Variants in MS4A8 observed in about 807,000 individuals in gnomAD.
MS4A8 encodes membrane-spanning 4-domains subfamily A member 8.
In MS4A8, 27 loss-of-function variants were observed where a neutral mutation model predicts 23.7. The observed-to-expected ratio is 1.14, with a 90% confidence interval of 0.84 to 1.57. The LOEUF is 1.57. MS4A8 is among the 40% of genes most tolerant of loss of function. MS4A8 has a pLI of 0.00. For synonymous variants in MS4A8, 138 were observed against 126.3 expected (o/e 1.09, Z -0.62); for missense variants, 301 against 311.4 (o/e 0.97, Z 0.25).
intron 3 of MS4A8, among the ~76,000 whole-genome samples, chr11:60,705,431 T>C (rs2088247492): frequency 6.6e-6 from 1 of 152,238 alleles, no homozygotes; most frequent in South Asian, 2.1e-4. Flanking sequence ...CCTCATGACC[T>C]TCCTCCTTTT....
Position 60,715,083 on chromosome 11 carries a change from A to G in MS4A8, c.597A>G (p.Ala199=). 1.9e-6 allele frequency: 3 copies of G among 1,614,090 alleles called. No homozygotes were observed. The highest frequency in any genetic ancestry group is 2.5e-6 in the Non-Finnish European group (3 of 1,180,004). Residue 199 remains alanine (A), a synonymous_variant, in exon 6 of 7, where the codon GCA becomes GCG. Coordinates refer to ENST00000300226, the MANE Select transcript of MS4A8 (RefSeq NM_031457.2). ...LVFCLLEFGI[A]CASSHFGCQL... is the part of the protein sequence containing the mutation. ...TCTGCCTCCTGGAGTTTGGCATCGC[A>G]TGCGCATCTTCCCACTTTGGCTGCC...
intron 3 of MS4A8, among the ~76,000 whole-genome samples, chr11:60,705,164 C>G (rs1451384294): frequency 2.6e-5 from 4 of 152,258 alleles, no homozygotes; most frequent in Non-Finnish European, 5.9e-5. Context: ...TCTGCACACA[C>G]CCAAACTCAG....
chr11:60,711,672 A>G (rs1173984214), intron 5 of MS4A8, among the ~76,000 whole-genome samples: 1 of 152,236 alleles, frequency 6.6e-6, no homozygotes, highest in African/African-American at 2.4e-5. Flanking sequence ...GGACTGCCCA[A>G]TAGAAGAAAT....
At chr11:60,701,560 G>A (rs2088205019) in intron 2 of MS4A8, 1 of 291,562 alleles carries the variant, frequency 3.4e-6, no homozygotes, top group African/African-American at 2.2e-5. Context: ...TCACTGTGTA[G>A]CTGAATGATG....
At chr11:60,714,352 G>A (rs931940285) in intron 5 of MS4A8, among the ~76,000 whole-genome samples, 4 of 152,172 alleles carry the variant, frequency 2.6e-5, no homozygotes, top group Admixed American at 6.5e-5. Flanking sequence ...GTTGGGGGTA[G>A]GGTTACAGAT....
rs752189816 is a variant in MS4A8 at position 60,707,030 on chromosome 11, C to T, written c.385C>T (p.Pro129Ser). 9.9e-6 allele frequency: 16 copies of T among 1,613,876 alleles called. No homozygotes were observed. The highest frequency in any genetic ancestry group is 2.2e-5 in the South Asian group (2 of 91,074). Residue 129 changes from proline (P) to serine (S), a missense_variant, in exon 4 of 7, where the codon CCA (proline) becomes TCA (serine). Physicochemically the swap from Pro to Ser is moderately conservative, Grantham distance 74 (BLOSUM62 -1). Coordinates refer to ENST00000300226, the MANE Select transcript of MS4A8 (RefSeq NM_031457.2). ...GSLSVAAENQPYSYCLLSGSL... is the reference protein window; with the variant it reads ...GSLSVAAENQSYSYCLLSGSL... ...TCTCTCCGTGGCAGCAGAAAATCAGCCATATTCTTATTGCCTGGTAAGTTA... is the reference window on the plus strand; with the variant it reads ...TCTCTCCGTGGCAGCAGAAAATCAGTCATATTCTTATTGCCTGGTAAGTTA...
rs144262678 is a variant in MS4A8 at position 60,715,714 on chromosome 11, G to A, written c.*300G>A. ...CACACACACATTCGTGTGCTCTGCTGCATGTGAGCTTGTGGGTTAGAGGAA... is the reference window on the plus strand; with the variant it reads ...CACACACACATTCGTGTGCTCTGCTACATGTGAGCTTGTGGGTTAGAGGAA... On this transcript the variant is annotated 3_prime_UTR_variant, in exon 7 of 7. Transcript: ENST00000300226. The A allele has an allele frequency of 2.6e-6, 1 of 377,510 alleles. No individual in the cohort carries two copies. Among genetic ancestry groups the A allele is most frequent in the East Asian group, 5.6e-5 (1 of 17,818 alleles). 23.4% of individuals were successfully genotyped at this position (377,510 alleles called of 1,614,324 possible). A position where few individuals can be genotyped will look rare whatever the true frequency, so the allele number is the denominator to read the frequency against.
In MS4A8 at chr11:60,708,777, G is replaced by A; in HGVS notation, c.530G>A (p.Gly177Asp). Residue 177 changes from glycine (G) to aspartate (D), a missense_variant, in exon 5 of 7, where the codon GGT becomes GAT. By Grantham distance (94) the Gly-to-Asp change is moderately conservative. Transcript: ENST00000300226. ...AYPDYYPYAW[G>D]VNPGMAISGV... ...CCCGACTATTATCCTTACGCCTGGG[G>A]TGTGGTGAGTATCCCTCTCAACCAA... 6.2e-7 allele frequency: 1 copy of A among 1,613,998 alleles called. No homozygotes were observed. The highest frequency in any genetic ancestry group is 8.5e-7 in the Non-Finnish European group (1 of 1,179,898).
At position 60,702,102 on chromosome 11, in the gene MS4A8, A is replaced by G. The variant is rs567954941; in HGVS notation, c.219+1023A>G. ...ATACACAGATGTTCTTTCATTTACA[A>G]TGGGATTATGTCCCAGTGTACCCAT... On this transcript the variant is annotated intron_variant, in intron 2 of 6. Coordinates refer to ENST00000300226, the MANE Select transcript of MS4A8 (RefSeq NM_031457.2). Among the ~76,000 whole-genome samples, 65 of 152,352 alleles carry G rather than the reference A, an allele frequency of 4.3e-4. 1 individual carries two copies. In the South Asian group the frequency reaches 0.013, roughly 31 times the overall value.
intron 3 of MS4A8, among the ~76,000 whole-genome samples, chr11:60,703,958 T>C (rs1350693465): frequency 6.6e-6 from 1 of 152,056 alleles, no homozygotes; most frequent in Non-Finnish European, 1.5e-5. Flanking sequence ...TTAACAACCC[T>C]ATCTCCAAAC....
At position 60,715,424 on chromosome 11, in the gene MS4A8, T is replaced by C; in HGVS notation, c.*10T>C. The C allele has an allele frequency of 6.2e-7, 1 of 1,606,720 alleles. No individual in the cohort carries two copies. The highest frequency in any genetic ancestry group is 8.5e-7 in the Non-Finnish European group (1 of 1,173,788). ...CCAAGCAAATAAGTAAGGCTACAGA[T>C]TCTGGAAGCATCTTTCACTGGGACC... On this transcript the variant is annotated 3_prime_UTR_variant, in exon 7 of 7. Coordinates refer to ENST00000300226, the MANE Select transcript of MS4A8 (RefSeq NM_031457.2).
rs1274802814 is a variant in MS4A8 at position 60,715,378 on chromosome 11, A to T, written c.717A>T (p.Pro239=). 1.9e-6 allele frequency: 3 copies of T among 1,614,074 alleles called. No homozygotes were observed. The highest frequency in any genetic ancestry group is 2.5e-6 in the Non-Finnish European group (3 of 1,179,968). ...TCACCCCAGAACCGGTGACCTCACC[A>T]CCAAGTTATTCCAGTGAGATCCAAG... ...PVITPEPVTS[P]PSYSSEIQAN... The change falls in exon 7 of 7, where the codon CCA becomes CCT. Residue 239 remains proline (P), a synonymous_variant. Transcript: ENST00000300226.
chr11:60,700,764 G>C, intron 1 of MS4A8, 96 bp from the exon 2 acceptor site: 1 of 1,202,766 alleles, frequency 8.3e-7, no homozygotes, highest in Non-Finnish European at 1.2e-6. Context: ...CTTGTAGAGG[G>C]TTAAGATGCT....
At chr11:60,714,479 A>G (rs1315613990) in intron 5 of MS4A8, among the ~76,000 whole-genome samples, 1 of 152,126 alleles carries the variant, frequency 6.6e-6, no homozygotes, top group African/African-American at 2.4e-5. Flanking sequence ...TTTTCCCCAC[A>G]TTCAGAGGGA....
At chr11:60,715,178 A>G in intron 6 of MS4A8, 44 bp downstream of exon 6, 3 of 1,539,230 alleles carry the variant, frequency 1.9e-6, no homozygotes, top group Non-Finnish European at 2.7e-6. Flanking sequence ...TGCCCCCAAA[A>G]AGGTGGAGAC....
At chr11:60,703,315 G>A in intron 2 of MS4A8, 63 bp from the exon 3 acceptor site, 1 of 1,449,464 alleles carries the variant, frequency 6.9e-7, no homozygotes, top group Non-Finnish European at 9.1e-7. Flanking sequence ...TTAAAAGGAG[G>A]CTCATAGGGG....
rs530899886 is a variant in MS4A8, at chr11:60,711,754, C to T, written c.534+2973C>T. The T allele has an allele frequency of 1.5e-4, 66 of 454,324 alleles. 2 individuals are homozygous for T. The highest frequency in any genetic ancestry group is 9.8e-4 in the South Asian group (63 of 64,200). The allele number at this position is 454,324 out of a possible 1,614,324, so 28.1% of individuals were successfully genotyped here. A position where few individuals can be genotyped will look rare whatever the true frequency, so the allele number is the denominator to read the frequency against. ...GAAGAGTTTAGGAAAGACTAAACCC[C>T]AAGCAGCACAGCCAGGTGCCCTGGA... is the stretch of plus-strand genomic sequence containing the variant. On this transcript the variant is annotated intron_variant, in intron 5 of 6. Coordinates refer to ENST00000300226, the MANE Select transcript of MS4A8 (RefSeq NM_031457.2).
At chr11:60,703,849 T>C (rs1022085797) in intron 3 of MS4A8, among the ~76,000 whole-genome samples, 2 of 152,204 alleles carry the variant, frequency 1.3e-5, no homozygotes, top group African/African-American at 4.8e-5. Flanking sequence ...TCCACGGCCT[T>C]CCTCCATGCC....
intron 4 of MS4A8, 68 bp from the exon 5 acceptor site, chr11:60,708,582 T>C: frequency 6.9e-7 from 1 of 1,443,700 alleles, no homozygotes; most frequent in Admixed American, 2.6e-5. Flanking sequence ...GAAACACTTG[T>C]TGGGTCTCCA....
Sources: allele counts gnomAD v4.1 joint callset (sites outside exome capture counted in the v4.1 genomes callset), GRCh38; gene constraint gnomAD v4.1.1; transcripts MANE v1.5; gene names NCBI Gene and HGNC (gene_info 2026-07-23, HGNC 2026-07-21).